FBLN7: variants seen among roughly 807,000 people sequenced by gnomAD.
FBLN7 encodes fibulin-7.
Under a neutral mutation model 44.0 loss-of-function variants are expected in FBLN7, and 31 were observed. The ratio of observed to expected loss-of-function variants is 0.70; its 90% CI spans 0.53 to 0.95. The LOEUF (loss-of-function observed/expected upper bound fraction) is 0.95, where lower values mean the gene tolerates loss of function less well. Among genes scored for constraint, FBLN7 ranks in the 40% least tolerant of loss-of-function variants. FBLN7 has a pLI of 0.00. For synonymous variants in FBLN7, 262 were observed against 253.4 expected (o/e 1.03, Z -0.32); for missense variants, 573 against 618.5 (o/e 0.93, Z 0.78).
intron 4 of FBLN7, chr2:112,176,673 T>C (rs1558891017): frequency 6.6e-6 from 1 of 152,226 alleles, no homozygotes; most frequent in Non-Finnish European, 1.5e-5. Flanking sequence ...CTGATTCAGT[T>C]CAGCTGAGTC....
chr2:112,185,356 G>T lies in FBLN7; in HGVS notation c.947+17G>T, dbSNP rs1318115659. 6.2e-7 allele frequency: 1 copy of T among 1,608,268 alleles called. No homozygotes were observed. Reference sequence around the variant, plus strand: ...GTCTCCATTGTGAGTATCTCCAGGGGAGGCACACCCTCACCCAGGCCTCCA... The same window carrying T: ...GTCTCCATTGTGAGTATCTCCAGGGTAGGCACACCCTCACCCAGGCCTCCA... On this transcript the variant is annotated intron_variant, in intron 7 of 7. Coordinates refer to ENST00000331203, the MANE Select transcript of FBLN7 (RefSeq NM_153214.3).
chr2:112,181,033 TGG>T (rs1204218525), intron 4 of FBLN7, among the ~76,000 whole-genome samples: 1 of 151,704 alleles, frequency 6.6e-6, no homozygotes, highest in Non-Finnish European at 1.5e-5. Context: ...ATGTCTTTTG[TGG>T]AAACATGGAT....
At chr2:112,206,802 G>A in the FBLN7 span, among the ~76,000 whole-genome samples, 3 of 142,942 alleles carry the variant, frequency 2.1e-5, no homozygotes, top group East Asian at 2.1e-4. Flanking sequence ...GCACAATCAC[G>A]ACTCACTTCA....
chr2:112,231,360 T>C, the FBLN7 span, among the ~76,000 whole-genome samples: 236 of 152,282 alleles, frequency 1.5e-3, 1 homozygote, highest in Admixed American at 3.9e-3. Flanking sequence ...CCAACTAACA[T>C]GAGAAATGAA....
chr2:112,156,188 A>G (rs1481072201), intron 1 of FBLN7, among the ~76,000 whole-genome samples: 1 of 152,140 alleles, frequency 6.6e-6, no homozygotes, highest in East Asian at 1.9e-4. Flanking sequence ...CAGTCCTATC[A>G]ATCCCTAGTG....
the FBLN7 span, among the ~76,000 whole-genome samples, chr2:112,233,738 T>C: frequency 6.6e-6 from 1 of 151,982 alleles, no homozygotes; most frequent in Non-Finnish European, 1.5e-5. Flanking sequence ...GTGTGGTGGC[T>C]AGCGTCTGTA....
At position 112,138,506 on chromosome 2, in the gene FBLN7, G is replaced by A. The variant is rs888123586; in HGVS notation, c.-150G>A. On this transcript the variant is annotated 5_prime_UTR_variant, in exon 1 of 8. Transcript: ENST00000331203. Reference sequence around the variant, plus strand: ...GATCCCCGCGGGACGCGCTGCGCTCGGGGCCTCCCGCCTCCCCCCCTGCCC... The same window carrying A: ...GATCCCCGCGGGACGCGCTGCGCTCAGGGCCTCCCGCCTCCCCCCCTGCCC... The A allele has an allele frequency of 3.9e-6, 4 of 1,035,312 alleles. No individual in the cohort carries two copies. The highest frequency in any genetic ancestry group is 5.2e-6 in the Non-Finnish European group (4 of 768,996). 64.1% of individuals were successfully genotyped at this position (1,035,312 alleles called of 1,614,324 possible).
At chr2:112,161,530 C>G (rs1681868897) in intron 2 of FBLN7, among the ~76,000 whole-genome samples, 1 of 152,150 alleles carries the variant, frequency 6.6e-6, no homozygotes, top group Non-Finnish European at 1.5e-5. Flanking sequence ...GAAACTGAGG[C>G]CAAGACAAGT....
the FBLN7 span, among the ~76,000 whole-genome samples, chr2:112,230,163 G>A: frequency 1.3e-5 from 2 of 152,160 alleles, no homozygotes; most frequent in Non-Finnish European, 2.9e-5. Context: ...TGCAAATTAA[G>A]TTACGAGATT....
chr2:112,182,135 C>G (rs1435073295), intron 5 of FBLN7: 4 of 488,922 alleles, frequency 8.2e-6, no homozygotes, highest in East Asian at 4.0e-5. Flanking sequence ...TTCAGGAGAG[C>G]CTTGAGACCC....
chr2:112,152,483 A>T (rs1417083035), intron 1 of FBLN7: 1 of 152,266 alleles, frequency 6.6e-6, no homozygotes, highest in Non-Finnish European at 1.5e-5. Context: ...GGGAGGCTCC[A>T]GCTGGAGGGC....
At chr2:112,165,450 C>T (rs935866229) in intron 3 of FBLN7, among the ~76,000 whole-genome samples, 2 of 152,166 alleles carry the variant, frequency 1.3e-5, no homozygotes, top group Non-Finnish European at 2.9e-5. Context: ...CCTAAGGTTA[C>T]ACAGCTAGGG....
At chr2:112,155,818 A>G (rs1681385359) in intron 1 of FBLN7, among the ~76,000 whole-genome samples, 1 of 152,184 alleles carries the variant, frequency 6.6e-6, no homozygotes, top group Admixed American at 6.5e-5. Context: ...GCGGCCAAGT[A>G]GAAGACAAGA....
chr2:112,181,777 A>G lies in FBLN7; in HGVS notation c.571A>G (p.Ser191Gly). ...EGSVAGDSAF[S>G]RAPRCAQVER... ...CAGCGTGGCCGGCGACTCCGCCTTC[A>G]GCCGCGCGCCGCGCTGTGCGCAGGT... Residue 191 changes from serine (S) to glycine (G), a missense_variant, in exon 5 of 8, where the codon AGC (serine) becomes GGC (glycine). Physicochemically the swap from Ser to Gly is moderately conservative, Grantham distance 56. Transcript: ENST00000331203. 1 of 1,438,452 alleles carries G rather than the reference A, an allele frequency of 7.0e-7. No homozygotes were observed. Among genetic ancestry groups the G allele is most frequent in the Non-Finnish European group, 9.1e-7 (1 of 1,101,446 alleles). The allele number at this position is 1,438,452 out of a possible 1,614,324, so 89.1% of individuals were successfully genotyped here.
the FBLN7 span, among the ~76,000 whole-genome samples, chr2:112,206,348 TTGACCTACAAAGCTTTGGTTTCAC>T: frequency 6.6e-6 from 1 of 152,224 alleles, no homozygotes; most frequent in Non-Finnish European, 1.5e-5. Context: ...TTCATTGATT[TTGACCTACAAAGCTTTGGTTTCAC>T]TGATGTTCCC....
At chr2:112,205,325 T>C in the FBLN7 span, among the ~76,000 whole-genome samples, 2 of 152,048 alleles carry the variant, frequency 1.3e-5, no homozygotes, top group Middle Eastern at 3.4e-3. Context: ...ATGTCAAACA[T>C]AAAATTCTAG....
At chr2:112,145,502 T>C (rs892836313) in intron 1 of FBLN7, among the ~76,000 whole-genome samples, 13 of 152,280 alleles carry the variant, frequency 8.5e-5, no homozygotes, top group Middle Eastern at 3.4e-3. Context: ...GTTATAAATA[T>C]TTTCTCTCAG....
the FBLN7 span, chr2:112,230,824 GA>G: frequency 1.2e-6 from 1 of 865,668 alleles, no homozygotes; most frequent in Non-Finnish European, 1.6e-6. Context: ...TTCTATTTGA[GA>G]ACCCTATTGA....
At chr2:112,173,188 A>C (rs927564586) in intron 3 of FBLN7, among the ~76,000 whole-genome samples, 4 of 152,212 alleles carry the variant, frequency 2.6e-5, no homozygotes, top group African/African-American at 9.6e-5. Context: ...GTGAAGTGAG[A>C]ATTTCAGAGT....
Sources: gnomAD v4.1 joint callset for allele counts (sites outside exome capture counted in the v4.1 genomes callset) on GRCh38, gnomAD v4.1.1 for gene constraint, MANE v1.5 for transcripts, NCBI Gene and HGNC (gene_info 2026-07-23, HGNC 2026-07-21) for gene names.